Variants in FNBP1 observed in about 807,000 individuals in gnomAD.
The protein encoded by FNBP1 is formin binding protein 1, also known as formin-binding protein 1.
In FNBP1, 26 loss-of-function variants were observed where a neutral mutation model predicts 90.6. The ratio of observed to expected loss-of-function variants is 0.29; its 90% CI spans 0.21 to 0.40. The LOEUF is 0.40. Among genes scored for constraint, FNBP1 ranks in the 10% least tolerant of loss-of-function variants. The pLI is 1.00. For missense variants in FNBP1, 635 were observed against 768.0 expected (o/e 0.83, Z 2.05); for synonymous variants, 260 against 265.2 (o/e 0.98, Z 0.19).
intron 6 of FNBP1, among the ~76,000 whole-genome samples, chr9:129,932,109 G>A (rs1325575961): frequency 1.3e-5 from 2 of 151,460 alleles, no homozygotes; most frequent in African/African-American, 4.9e-5. Flanking sequence ...TACTTGGGAG[G>A]CCGAGACAGG....
chr9:129,924,110 G>A, intron 9 of FNBP1, 84 bp from the exon 10 acceptor site: 1 of 1,338,720 alleles, frequency 7.5e-7, no homozygotes, highest in Non-Finnish European at 9.9e-7. Context: ...AATAATATTT[G>A]AAATCCAACG....
chr9:129,900,659 C>A lies in FNBP1; in HGVS notation c.1429-112G>T. 8.7e-7 allele frequency: 1 copy of A among 1,144,054 alleles called. No homozygotes were observed. Among genetic ancestry groups the A allele is most frequent in the Non-Finnish European group, 1.1e-6 (1 of 885,098 alleles). The allele number at this position is 1,144,054 out of a possible 1,614,324, so 70.9% of individuals were successfully genotyped here. A position where few individuals can be genotyped will look rare whatever the true frequency, so the allele number is the denominator to read the frequency against. ...GGCCAGCCCGGAGCATCCTAAGGTC[C>A]CAAACTCAGGGGCTACTCTTGGCCA... On this transcript the variant is annotated intron_variant, in intron 13 of 16. Coordinates refer to ENST00000446176, the MANE Select transcript of FNBP1 (RefSeq NM_015033.3). The surrounding 1 kb of genome is among the most constrained non-coding windows in gnomAD (Gnocchi z 4.1).
At chr9:129,949,028 CAG>C (rs1049846294) in intron 6 of FNBP1, among the ~76,000 whole-genome samples, 12 of 151,898 alleles carry the variant, frequency 7.9e-5, no homozygotes, top group African/African-American at 2.9e-4. Context: ...TATCCCAAAA[CAG>C]AGAGTAAGGA....
intron 2 of FNBP1, among the ~76,000 whole-genome samples, chr9:129,989,708 T>C (rs1287899217): frequency 1.3e-5 from 2 of 152,196 alleles, no homozygotes; most frequent in African/African-American, 2.4e-5. Context: ...AGATCTATTG[T>C]ACAACATTGT....
chr9:130,052,367 TCTC>T, the FNBP1 span, among the ~76,000 whole-genome samples: 1 of 152,136 alleles, frequency 6.6e-6, no homozygotes, highest in African/African-American at 2.4e-5. Context: ...AAGACAAAAG[TCTC>T]CTATTTAAAA....
Position 130,011,625 on chromosome 9 carries a change from C to G in FNBP1, c.25-16667G>C, listed in dbSNP as rs553522063. ...GCACCATCTGAGGAATGGGCCTTCACCAGTCACTGAACCTGCTGGCACCTT... is the reference window on the plus strand; with the variant it reads ...GCACCATCTGAGGAATGGGCCTTCAGCAGTCACTGAACCTGCTGGCACCTT... On this transcript the variant is annotated intron_variant, in intron 1 of 16. Coordinates refer to ENST00000446176, the MANE Select transcript of FNBP1 (RefSeq NM_015033.3). 1.3e-3 allele frequency among the ~76,000 whole-genome samples: 201 copies of G among 152,236 alleles called. 1 individual carries two copies. The highest frequency in any genetic ancestry group is 4.8e-3 in the African/African-American group (198 of 41,540).
chr9:129,899,715 C>T (rs1326435798), intron 15 of FNBP1, among the ~76,000 whole-genome samples: 3 of 135,566 alleles, frequency 2.2e-5, no homozygotes, highest in East Asian at 2.2e-4. Context: ...GGCAAGAGAG[C>T]GAGACCCTGT....
In FNBP1 at chr9:129,914,746, CATACATATGTCTATATAT is replaced by C. The variant is rs1485199054; in HGVS notation, c.1185+1202_1185+1219del. On this transcript the variant is annotated intron_variant, in intron 11 of 16. Transcript: ENST00000446176. ...TCATGTTGAAAAAATTATGTATATA[CATACATATGTCTATATAT>C]ATATATATATATATATATATATATA... is the stretch of plus-strand genomic sequence containing the variant. Among the ~76,000 whole-genome samples the C allele has an allele frequency of 1.3e-3, 101 of 77,530 alleles. 2 individuals carry two copies. Among genetic ancestry groups the C allele is most frequent in the African/African-American group, 3.8e-3 (94 of 24,542 alleles). 50.9% of individuals were successfully genotyped at this position (77,530 alleles called of 152,430 possible).
chr9:130,025,784 C>G (rs1320983753), intron 1 of FNBP1, among the ~76,000 whole-genome samples: 1 of 152,094 alleles, frequency 6.6e-6, no homozygotes, highest in East Asian at 1.9e-4. Flanking sequence ...ATTAGCCGGG[C>G]GTGGTGGCAC....
chr9:129,941,387 TTAAA>T (rs750976488), intron 6 of FNBP1, among the ~76,000 whole-genome samples: 2 of 152,070 alleles, frequency 1.3e-5, no homozygotes, highest in African/African-American at 2.4e-5. Flanking sequence ...AGACGCCATC[TTAAA>T]TAAATAAATA....
At position 129,887,516 on chromosome 9, in the gene FNBP1, A is replaced by T. The variant is rs2034822777; in HGVS notation, c.*3023T>A. Reference sequence around the variant, plus strand: ...TATTTCTGGAAAAACACTTAGCATGAACGTCACTTTTTGACGTCGTGTAAA... The same window carrying T: ...TATTTCTGGAAAAACACTTAGCATGTACGTCACTTTTTGACGTCGTGTAAA... On this transcript the variant is annotated 3_prime_UTR_variant, in exon 17 of 17. Coordinates refer to ENST00000446176, the MANE Select transcript of FNBP1 (RefSeq NM_015033.3). 1 of 206,826 alleles carries T rather than the reference A, an allele frequency of 4.8e-6. No individual in the cohort carries two copies. Among genetic ancestry groups the T allele is most frequent in the Admixed American group, 6.0e-5 (1 of 16,790 alleles). The allele number at this position is 206,826 out of a possible 1,614,324, so 12.8% of individuals were successfully genotyped here. A position where few individuals can be genotyped will look rare whatever the true frequency, so the allele number is the denominator to read the frequency against.
chr9:130,053,424 G>C, the FNBP1 span: 29 of 160,474 alleles, frequency 1.8e-4, no homozygotes, highest in East Asian at 5.5e-3. Flanking sequence ...TCAATCAATC[G>C]TATTATTGCA....
chr9:129,963,340 A>T (rs1266443676), intron 4 of FNBP1, among the ~76,000 whole-genome samples: 1 of 152,212 alleles, frequency 6.6e-6, no homozygotes, highest in East Asian at 1.9e-4. Context: ...CTTAAAAAAA[A>T]AAGTCTTATT....
chr9:130,025,415 T>C (rs1381473994), intron 1 of FNBP1, among the ~76,000 whole-genome samples: 1 of 152,214 alleles, frequency 6.6e-6, no homozygotes, highest in East Asian at 1.9e-4. Flanking sequence ...AAATCGTCTA[T>C]TGTAATTGGC....
chr9:130,045,439 C>T (rs2060055405), upstream of FNBP1, among the ~76,000 whole-genome samples: 3 of 152,294 alleles, frequency 2.0e-5, 1 homozygote, highest in Middle Eastern at 6.8e-3. Context: ...TTGGAGACTT[C>T]TCAAAAACAG....
chr9:130,051,823 GA>G, the FNBP1 span, among the ~76,000 whole-genome samples: 3 of 152,078 alleles, frequency 2.0e-5, no homozygotes, highest in South Asian at 6.2e-4. Context: ...AAAAAGGAGA[GA>G]AAATAGAAAA....
At chr9:130,034,972 C>G (rs1321357230) in intron 1 of FNBP1, among the ~76,000 whole-genome samples, 1 of 152,062 alleles carries the variant, frequency 6.6e-6, no homozygotes, top group Non-Finnish European at 1.5e-5. Flanking sequence ...CATAGAAAGA[C>G]CCCGTCTCTA....
chr9:129,906,345 A>G (rs892187943), intron 12 of FNBP1, among the ~76,000 whole-genome samples: 2 of 152,114 alleles, frequency 1.3e-5, no homozygotes, highest in Non-Finnish European at 2.9e-5. Context: ...GAGTGTTGAT[A>G]TGGTTTAGCT....
Position 130,011,261 on chromosome 9 carries a change from TATATATAA to T in FNBP1, c.25-16311_25-16304del, listed in dbSNP as rs1186640425. 2.2e-3 allele frequency among the ~76,000 whole-genome samples: 179 copies of T among 79,766 alleles called. 1 individual carries two copies. The highest frequency in any genetic ancestry group is 4.6e-3 in the East Asian group (10 of 2,168). 52.3% of individuals were successfully genotyped at this position (79,766 alleles called of 152,430 possible). On this transcript the variant is annotated intron_variant, in intron 1 of 16. Coordinates refer to ENST00000446176, the MANE Select transcript of FNBP1 (RefSeq NM_015033.3). ...AAAAAAAAATATATATATATATATA[TATATATAA>T]AATATATATAACATTATTACTTATA... is the stretch of plus-strand genomic sequence containing the variant.
Sources: gnomAD v4.1 joint callset for allele counts (sites outside exome capture counted in the v4.1 genomes callset) on GRCh38, gnomAD v4.1.1 for gene constraint, Gnocchi (gnomAD v3.1) non-coding constraint, MANE v1.5 for transcripts, NCBI Gene and HGNC (gene_info 2026-07-23, HGNC 2026-07-21) for gene names.